The following MRS2 variants were observed in gnomAD, a reference collection of about 807,000 sequenced individuals.
The protein encoded by MRS2 is magnesium transporter MRS2 homolog, mitochondrial.
MRS2 carries 40 observed loss-of-function variants against 52.6 expected under a neutral mutation model. That is an observed-to-expected ratio of 0.76 (90% confidence interval 0.59 to 0.99). MRS2 has a LOEUF of 0.99. MRS2 is among the 50% of genes least tolerant of loss of function. The pLI, the probability that MRS2 is intolerant of heterozygous loss-of-function variation, is 0.00. For missense variants in MRS2, 472 were observed against 532.7 expected, an observed-to-expected ratio of 0.89 and a Z score of 1.12; for synonymous variants, 193 against 195.9, an observed-to-expected ratio of 0.98 and a Z score of 0.13.
intron 9 of MRS2, among the ~76,000 whole-genome samples, chr6:24,422,081 C>G (rs1251792637): frequency 6.6e-6 from 1 of 152,136 alleles, no homozygotes; most frequent in Non-Finnish European, 1.5e-5. Flanking sequence ...ATCAGGTAGA[C>G]GGAGGTTGCA....
intron 6 of MRS2, 120 bp from the exon 7 acceptor site, chr6:24,416,273 ATAAG>A (rs1007458993): frequency 2.1e-5 from 10 of 476,644 alleles, no homozygotes; most frequent in East Asian, 1.1e-4. Flanking sequence ...TTTTTTTTAA[ATAAG>A]TCATTGTTTA....
chr6:24,412,197 G>A (rs111403948), intron 4 of MRS2, 25 bp from the exon 5 acceptor site: 1 of 1,341,848 alleles, frequency 7.5e-7, no homozygotes, highest in Non-Finnish European at 1.0e-6. Flanking sequence ...ATATTTATAT[G>A]TTTTGGTTTT....
chr6:24,411,634 G>GTTCAAGC (rs1761653916), intron 4 of MRS2, among the ~76,000 whole-genome samples: 1 of 152,182 alleles, frequency 6.6e-6, no homozygotes. Context: ...CGCCTCCCAG[G>GTTCAAGC]TTCAAGCGAT....
chr6:24,422,880 G>A, intron 9 of MRS2, 57 bp from the exon 10 acceptor site: 1 of 1,181,060 alleles, frequency 8.5e-7, no homozygotes, highest in South Asian at 1.3e-5. Flanking sequence ...AACAATTCAA[G>A]GAATCTTCTA....
chr6:24,418,287 A>G (rs1761922851), intron 8 of MRS2, 51 bp downstream of exon 8: 3 of 1,478,496 alleles, frequency 2.0e-6, no homozygotes, highest in African/African-American at 1.4e-5. Flanking sequence ...TAATTATAAG[A>G]AAGTTTTTAA....
rs1423072021 is a variant in MRS2, at chr6:24,425,913, AGTTGCAC to A, written c.*2224_*2230del. ...TTATTTTTTGGAATTGCAATATTAAAGTTGCACGTTGGATTTAACTCTCATGACTTTA... is the reference window on the plus strand; with the variant it reads ...TTATTTTTTGGAATTGCAATATTAAAGTTGGATTTAACTCTCATGACTTTA... On this transcript the variant is annotated 3_prime_UTR_variant, in exon 11 of 11. Transcript: ENST00000378386. 1 of 152,210 alleles carries A rather than the reference AGTTGCAC, an allele frequency of 6.6e-6. No homozygotes were observed. Among genetic ancestry groups the A allele is most frequent in the East Asian group, 1.9e-4 (1 of 5,206 alleles). The allele number at this position is 152,210 out of a possible 1,614,324, so 9.4% of individuals were successfully genotyped here.
At chr6:24,413,678 T>C (rs1761741934) in intron 5 of MRS2, among the ~76,000 whole-genome samples, 1 of 149,260 alleles carries the variant, frequency 6.7e-6, no homozygotes, top group South Asian at 2.1e-4. Flanking sequence ...GCAGTTCCTC[T>C]GGAGACGAAA....
chr6:24,406,382 C>G (rs1156760142), intron 2 of MRS2, among the ~76,000 whole-genome samples: 1 of 150,192 alleles, frequency 6.7e-6, no homozygotes, highest in Non-Finnish European at 1.5e-5. Context: ...AAGAGCTTTT[C>G]TTTATAAACT....
intron 4 of MRS2, among the ~76,000 whole-genome samples, chr6:24,409,886 T>C (rs149180426): frequency 2.0e-5 from 3 of 152,354 alleles, no homozygotes; most frequent in South Asian, 2.1e-4. Flanking sequence ...ATAATAGATA[T>C]ATATCCAATT....
At chr6:24,409,347 G>C (rs1761576360) in intron 3 of MRS2, 114 bp from the exon 4 acceptor site, 1 of 556,452 alleles carries the variant, frequency 1.8e-6, no homozygotes, top group Non-Finnish European at 3.2e-6. Context: ...TTTAGTTTTT[G>C]TTTCTGGTAG....
At chr6:24,416,888 A>G (rs1761871998) in intron 7 of MRS2, among the ~76,000 whole-genome samples, 2 of 152,234 alleles carry the variant, frequency 1.3e-5, no homozygotes, top group South Asian at 4.1e-4. Context: ...ACACATTAAC[A>G]TGGATTATGT....
intron 9 of MRS2, chr6:24,418,880 C>G: frequency 5.0e-6 from 1 of 201,264 alleles, no homozygotes; most frequent in South Asian, 8.7e-5. Flanking sequence ...GCCTGGGAGA[C>G]AGAGTGAGAC....
At chr6:24,419,980 C>T (rs1360583040) in intron 9 of MRS2, among the ~76,000 whole-genome samples, 1 of 152,182 alleles carries the variant, frequency 6.6e-6, no homozygotes, top group Non-Finnish European at 1.5e-5. Flanking sequence ...TACTCTGTTG[C>T]CCACATCACC....
In MRS2 at chr6:24,416,518, GTA is replaced by G; in HGVS notation, c.836+10_836+11del. On this transcript the variant is annotated splice_donor_region_variant and intron_variant, in intron 7 of 10. Transcript: ENST00000378386. Reference sequence around the variant, plus strand: ...ATGGAGTGACCCACAAGTCTTGTAAGTATATAATTATACTTTGTTATTTATTT... The same window carrying G: ...ATGGAGTGACCCACAAGTCTTGTAAGTATAATTATACTTTGTTATTTATTT... The G allele has an allele frequency of 7.4e-6, 10 of 1,343,264 alleles. No individual in the cohort carries two copies. The highest frequency in any genetic ancestry group is 1.4e-5 in the African/African-American group (1 of 69,006). The allele number at this position is 1,343,264 out of a possible 1,614,324, so 83.2% of individuals were successfully genotyped here.
chr6:24,423,007 T>C lies in MRS2; in HGVS notation c.1178T>C (p.Leu393Pro), dbSNP rs1448500418. ...AGTGGCCTCATCTGGAGGCGCCTGC[T>C]TTCATTCCTTGGACGACAGCTAGAA... ...MGSGLIWRRL[L>P]SFLGRQLEAP... is the part of the protein sequence containing the mutation. The change falls in exon 10 of 11, where the codon CTT becomes CCT. Residue 393 changes from leucine (L) to proline (P), a missense_variant. By Grantham distance (98) the Leu-to-Pro change is moderately conservative (BLOSUM62 -3). Coordinates refer to ENST00000378386, the MANE Select transcript of MRS2 (RefSeq NM_020662.4). 6.2e-7 allele frequency: 1 copy of C among 1,614,154 alleles called. No individual in the cohort carries two copies. Among genetic ancestry groups the C allele is most frequent in the Admixed American group, 1.7e-5 (1 of 60,008 alleles).
chr6:24,417,797 C>T (rs1306847649), intron 7 of MRS2, among the ~76,000 whole-genome samples: 1 of 152,062 alleles, frequency 6.6e-6, no homozygotes, highest in Non-Finnish European at 1.5e-5. Flanking sequence ...CAAAAATTAG[C>T]TGGGCGTGGT....
chr6:24,425,008 G>A lies in MRS2; in HGVS notation c.*1314G>A, dbSNP rs1393471438. ...CTGCAGAACAGAATGGAACAGGACA[G>A]GCTGGGCTAGACTCGAGCACGCAGT... On this transcript the variant is annotated 3_prime_UTR_variant, in exon 11 of 11. Coordinates refer to ENST00000378386, the MANE Select transcript of MRS2 (RefSeq NM_020662.4). 1 of 152,266 alleles carries A rather than the reference G, an allele frequency of 6.6e-6. No homozygotes were observed. The highest frequency in any genetic ancestry group is 1.5e-5 in the Non-Finnish European group (1 of 68,074). 9.4% of individuals were successfully genotyped at this position (152,266 alleles called of 1,614,324 possible).
rs1332920322 is a variant in MRS2 at position 24,412,498 on chromosome 6, C to T, written c.588+103C>T. ...TTGTTTCAATGGCATGTCCCCTGAC[C>T]ACATCCTGCCCCGAAACAAGTCGTC... On this transcript the variant is annotated intron_variant, in intron 5 of 10. Coordinates refer to ENST00000378386, the MANE Select transcript of MRS2 (RefSeq NM_020662.4). 14 of 829,842 alleles carry T rather than the reference C, an allele frequency of 1.7e-5. No individual in the cohort carries two copies. The South Asian group carries it at 3.5e-4, about 20-fold the overall frequency. The allele number at this position is 829,842 out of a possible 1,614,324, so 51.4% of individuals were successfully genotyped here. A position where few individuals can be genotyped will look rare whatever the true frequency, so the allele number is the denominator to read the frequency against.
intron 4 of MRS2, chr6:24,410,784 A>G (rs776983207): frequency 6.6e-7 from 1 of 1,513,326 alleles, no homozygotes; most frequent in South Asian, 1.2e-5. Context: ...TGTCTCTTTC[A>G]TGGAGAGACA....
Sources: allele counts gnomAD v4.1 joint callset (sites outside exome capture counted in the v4.1 genomes callset), GRCh38; gene constraint gnomAD v4.1.1; transcripts MANE v1.5; gene names NCBI Gene and HGNC (gene_info 2026-07-23, HGNC 2026-07-21).